Variants in ANO2 observed in about 807,000 individuals in gnomAD.
The protein encoded by ANO2 is anoctamin 2, also known as anoctamin-2.
A neutral mutation model predicts 124.2 loss-of-function variants in ANO2; 101 were observed. The ratio of observed to expected loss-of-function variants is 0.81; its 90% CI spans 0.69 to 0.96. The LOEUF is 0.96. ANO2 is among the 40% of genes least tolerant of loss of function. The pLI, the probability that ANO2 is intolerant of heterozygous loss-of-function variation, is 0.00. For synonymous variants in ANO2, 486 were observed against 482.5 expected, an observed-to-expected ratio of 1.01 and a Z score of -0.09; for missense variants, 1,293 against 1,274.5, an observed-to-expected ratio of 1.01 and a Z score of -0.22.
chr12:5,803,169 A>G (rs1379840709), intron 9 of ANO2, among the ~76,000 whole-genome samples: 2 of 152,186 alleles, frequency 1.3e-5, no homozygotes, highest in African/African-American at 4.8e-5. Context: ...GGGACGGGGC[A>G]TCCTGAATGG....
intron 4 of ANO2, among the ~76,000 whole-genome samples, chr12:5,842,775 A>T (rs1010968869): frequency 6.6e-6 from 1 of 152,010 alleles, no homozygotes; most frequent in Non-Finnish European, 1.5e-5. Context: ...CACGTAGTCA[A>T]CCGGGCCTGG....
At chr12:5,818,443 C>T (rs1387523312) in intron 7 of ANO2, among the ~76,000 whole-genome samples, 2 of 102,142 alleles carry the variant, frequency 2.0e-5, no homozygotes, top group African/African-American at 8.4e-5. Flanking sequence ...TTAATAAACT[C>T]ATATTATATA....
chr12:5,880,869 T>TAGGTGGG, intron 3 of ANO2, among the ~76,000 whole-genome samples: 3 of 147,894 alleles, frequency 2.0e-5, no homozygotes, highest in African/African-American at 5.1e-5. Flanking sequence ...GATGGATGAG[T>TAGGTGGG]GGATGGGTGG....
chr12:5,784,350 C>T (rs1311695415), intron 10 of ANO2, among the ~76,000 whole-genome samples: 4 of 152,206 alleles, frequency 2.6e-5, no homozygotes. Context: ...TTATCAATCA[C>T]CTTTTCCAAC....
At chr12:5,655,197 C>T (rs955127803) in intron 14 of ANO2, among the ~76,000 whole-genome samples, 3 of 152,224 alleles carry the variant, frequency 2.0e-5, no homozygotes, top group Admixed American at 2.0e-4. Context: ...TTGCCACCTA[C>T]AATTTTATCT....
At chr12:5,754,400 G>C (rs1951520685) in intron 10 of ANO2, among the ~76,000 whole-genome samples, 1 of 152,132 alleles carries the variant, frequency 6.6e-6, no homozygotes, top group South Asian at 2.1e-4. Flanking sequence ...GTCTCTGTCT[G>C]GATTTGGTAT....
chr12:5,640,038 A>G (rs1323506695), intron 15 of ANO2, among the ~76,000 whole-genome samples: 1 of 152,160 alleles, frequency 6.6e-6, no homozygotes, highest in Non-Finnish European at 1.5e-5. Context: ...AACAGGAGGG[A>G]CCATTCAAAA....
chr12:5,697,705 C>A (rs920385203), intron 14 of ANO2, among the ~76,000 whole-genome samples: 4 of 152,196 alleles, frequency 2.6e-5, no homozygotes. Flanking sequence ...CCTTTCCTAG[C>A]CAAGGGAAGC....
chr12:5,819,473 G>C (rs578204552), intron 7 of ANO2, among the ~76,000 whole-genome samples: 1 of 152,282 alleles, frequency 6.6e-6, no homozygotes, highest in East Asian at 1.9e-4. Context: ...TTGCAGCCTG[G>C]GGAGTTAAAA....
intron 4 of ANO2, among the ~76,000 whole-genome samples, chr12:5,844,747 T>C (rs946799013): frequency 2.0e-5 from 3 of 152,114 alleles, no homozygotes; most frequent in African/African-American, 4.8e-5. Flanking sequence ...TTCCCCAGAG[T>C]ATGTTCTGCA....
At chr12:5,666,791 G>T (rs1193474323) in intron 14 of ANO2, among the ~76,000 whole-genome samples, 2 of 132,542 alleles carry the variant, frequency 1.5e-5, no homozygotes, top group African/African-American at 2.8e-5. Context: ...CAGCTTCTGG[G>T]AAGTGATCTC....
At chr12:5,584,607 A>G (rs1943002013) in intron 20 of ANO2, among the ~76,000 whole-genome samples, 1 of 152,210 alleles carries the variant, frequency 6.6e-6, no homozygotes, top group Non-Finnish European at 1.5e-5. Context: ...GGGGAAGGTC[A>G]TAACTATTTA....
chr12:5,657,308 T>C (rs1405666988), intron 14 of ANO2, among the ~76,000 whole-genome samples: 2 of 151,974 alleles, frequency 1.3e-5, no homozygotes, highest in African/African-American at 4.8e-5. Context: ...GAACACAAGC[T>C]CCTAAAGTTG....
At chr12:5,746,347 T>C (rs370313034) in intron 11 of ANO2, among the ~76,000 whole-genome samples, 2 of 152,328 alleles carry the variant, frequency 1.3e-5, no homozygotes. Flanking sequence ...ATCATTTAAA[T>C]GTGAAGTCAG....
chr12:5,803,837 G>A (rs1358554206), intron 9 of ANO2, among the ~76,000 whole-genome samples: 1 of 152,220 alleles, frequency 6.6e-6, no homozygotes, highest in Non-Finnish European at 1.5e-5. Flanking sequence ...AATAGCACCA[G>A]GTGAGCTTCA....
chr12:5,863,249 G>A (rs1955327500), intron 3 of ANO2, among the ~76,000 whole-genome samples: 1 of 152,158 alleles, frequency 6.6e-6, no homozygotes, highest in Admixed American at 6.5e-5. Context: ...AGCTGCAGAG[G>A]ACCCCAAAGG....
intron 15 of ANO2, among the ~76,000 whole-genome samples, chr12:5,645,485 T>C (rs1280440622): frequency 6.6e-6 from 1 of 152,142 alleles, no homozygotes; most frequent in Non-Finnish European, 1.5e-5. Context: ...CATATAAAAA[T>C]CATATATATA....
At chr12:5,790,119 A>C (rs1237194641) in intron 10 of ANO2, among the ~76,000 whole-genome samples, 1 of 152,212 alleles carries the variant, frequency 6.6e-6, no homozygotes, top group East Asian at 1.9e-4. Flanking sequence ...ACAGAACTGC[A>C]CCTGCCATCA....
Position 5,775,298 on chromosome 12 carries a change from G to A in ANO2, c.1055+24209C>T, listed in dbSNP as rs113760771. Among the ~76,000 whole-genome samples the A allele has an allele frequency of 9.4e-3, 1,425 of 151,676 alleles. 21 individuals are homozygous for A. Among genetic ancestry groups the A allele is most frequent in the African/African-American group, 0.031 (1,263 of 41,360 alleles). Reference sequence around the variant, plus strand: ...ACACACACAGAGAGAGAGAGAGAGAGAAAAATTCTACAAAACAAGAACAAT... The same window carrying A: ...ACACACACAGAGAGAGAGAGAGAGAAAAAAATTCTACAAAACAAGAACAAT... On this transcript the variant is annotated intron_variant, in intron 10 of 24. Transcript: ENST00000682330.
Sources: allele counts gnomAD v4.1 joint callset (sites outside exome capture counted in the v4.1 genomes callset), GRCh38; gene constraint gnomAD v4.1.1; transcripts MANE v1.5; gene names NCBI Gene and HGNC (gene_info 2026-07-23, HGNC 2026-07-21).